The following NIPSNAP1 variants were observed in gnomAD, a reference collection of about 807,000 sequenced individuals.
The protein encoded by NIPSNAP1 is nipsnap homolog 1, also known as protein NipSnap homolog 1.
Under a neutral mutation model 49.2 loss-of-function variants are expected in NIPSNAP1, and 25 were observed. That is an observed-to-expected ratio of 0.51 (90% CI 0.37 to 0.71). The LOEUF is 0.71. Among genes scored for constraint, NIPSNAP1 ranks in the 30% least tolerant of loss-of-function variants. The pLI, the probability that NIPSNAP1 is intolerant of heterozygous loss-of-function variation, is 0.00. For missense variants in NIPSNAP1, 294 were observed against 361.0 expected (o/e 0.81, Z 1.50); for synonymous variants, 143 against 140.7 (o/e 1.02, Z -0.12).
intron 1 of NIPSNAP1, among the ~76,000 whole-genome samples, chr22:29,577,937 C>T (rs2064467085): frequency 1.5e-5 from 2 of 131,418 alleles, no homozygotes; most frequent in African/African-American, 6.0e-5. Flanking sequence ...CTTGCTCTAT[C>T]ACCCAGGCTG....
In NIPSNAP1 at chr22:29,555,854, C is replaced by T. The variant is rs2064290087; in HGVS notation, c.*81G>A. 3 of 1,344,374 alleles carry T rather than the reference C, an allele frequency of 2.2e-6. No homozygotes were observed. The highest frequency in any genetic ancestry group is 3.1e-6 in the Non-Finnish European group (3 of 958,202). 83.3% of individuals were successfully genotyped at this position (1,344,374 alleles called of 1,614,324 possible). A position where few individuals can be genotyped will look rare whatever the true frequency, so the allele number is the denominator to read the frequency against. On this transcript the variant is annotated 3_prime_UTR_variant, in exon 10 of 10. Coordinates refer to ENST00000216121, the MANE Select transcript of NIPSNAP1 (RefSeq NM_003634.4). ...AGTCCTCCCAGAGCCAAGACAAAAC[C>T]AAGACAGCAGGACCAGGAGTGCCAC...
chr22:29,574,190 C>T (rs546509464), intron 1 of NIPSNAP1, among the ~76,000 whole-genome samples: 1 of 131,110 alleles, frequency 7.6e-6, no homozygotes, highest in African/African-American at 2.8e-5. Flanking sequence ...ATCCAGGAGG[C>T]GGAGGCTGCA....
chr22:29,571,761 CTTTCTTTTCTTTT>C (rs888036461), intron 1 of NIPSNAP1, among the ~76,000 whole-genome samples: 4 of 145,600 alleles, frequency 2.7e-5, no homozygotes, highest in African/African-American at 7.4e-5. Flanking sequence ...AAGCCCTATC[CTTTCTTTTCTTTT>C]TTTCTTTTCT....
At chr22:29,564,042 A>G (rs1366896832) in intron 4 of NIPSNAP1, among the ~76,000 whole-genome samples, 1 of 152,188 alleles carries the variant, frequency 6.6e-6, no homozygotes, top group East Asian at 1.9e-4. Flanking sequence ...AATTCCTAGT[A>G]ACAAAGAAAC....
chr22:29,576,663 C>T (rs564856832), intron 1 of NIPSNAP1, among the ~76,000 whole-genome samples: 4 of 151,506 alleles, frequency 2.6e-5, no homozygotes, highest in East Asian at 1.9e-4. Context: ...TGGTGGCTCA[C>T]GCCTGTAATC....
intron 4 of NIPSNAP1, among the ~76,000 whole-genome samples, chr22:29,562,360 G>A (rs1335164864): frequency 6.6e-6 from 1 of 152,196 alleles, no homozygotes; most frequent in Non-Finnish European, 1.5e-5. Flanking sequence ...CTCATGTGTT[G>A]AGGTGGCAAG....
At chr22:29,573,853 C>G (rs577261593) in intron 1 of NIPSNAP1, among the ~76,000 whole-genome samples, 2 of 149,828 alleles carry the variant, frequency 1.3e-5, no homozygotes, top group Non-Finnish European at 3.0e-5. Flanking sequence ...GTGGGAAGAT[C>G]GCTTGAACCC....
At position 29,560,847 on chromosome 22, in the gene NIPSNAP1, T is replaced by C. The variant is rs1367690522; in HGVS notation, c.612-19A>G. The C allele has an allele frequency of 3.1e-6, 5 of 1,610,088 alleles. No individual in the cohort carries two copies. The highest frequency in any genetic ancestry group is 4.2e-6 in the Non-Finnish European group (5 of 1,176,560). On this transcript the variant is annotated intron_variant, in intron 7 of 9. Transcript: ENST00000216121. ...CCGAGCCCTGGAGAAGGCACAATAA[T>C]ATGGGGCAGAAGCCAGGGCTGGTGC...
chr22:29,570,785 C>T (rs541318051), intron 1 of NIPSNAP1, among the ~76,000 whole-genome samples: 41 of 152,256 alleles, frequency 2.7e-4, no homozygotes, highest in Admixed American at 1.1e-3. Flanking sequence ...CCACCTCCCA[C>T]TTCTCTCTCT....
At chr22:29,557,199 A>G (rs1420867014) in intron 9 of NIPSNAP1, among the ~76,000 whole-genome samples, 2 of 147,340 alleles carry the variant, frequency 1.4e-5, no homozygotes, top group East Asian at 2.0e-4. Flanking sequence ...GCTCAATGCA[A>G]CCTCCGCCTC....
intron 9 of NIPSNAP1, among the ~76,000 whole-genome samples, chr22:29,556,539 GA>G (rs1335719947): frequency 2.0e-5 from 3 of 151,844 alleles, no homozygotes; most frequent in Non-Finnish European, 4.4e-5. Context: ...AAAAAGAAAA[GA>G]AAAACACTGA....
chr22:29,580,513 T>C (rs2064489860), intron 1 of NIPSNAP1, among the ~76,000 whole-genome samples: 1 of 152,150 alleles, frequency 6.6e-6, no homozygotes, highest in South Asian at 2.1e-4. Context: ...TCAGGTCCGT[T>C]TCCCCACCTG....
intron 4 of NIPSNAP1, 89 bp from the exon 5 acceptor site, chr22:29,561,951 G>A (rs1369155804): frequency 3.3e-6 from 4 of 1,199,536 alleles, no homozygotes; most frequent in East Asian, 4.7e-5. Flanking sequence ...GGGGACGGGG[G>A]AGGCGGGGTG....
In NIPSNAP1 at chr22:29,569,300, T is replaced by C. The variant is rs2064389738; in HGVS notation, c.273-13A>G. The C allele has an allele frequency of 6.2e-7, 1 of 1,602,042 alleles. No individual in the cohort carries two copies. On this transcript the variant is annotated splice_polypyrimidine_tract_variant and intron_variant, in intron 3 of 9. Transcript: ENST00000216121. ...CAGCACAGCCTCCCTGTGGGGGAGGTGCAGAGAGGGGCAGGGTTCACATAG... is the reference window on the plus strand; with the variant it reads ...CAGCACAGCCTCCCTGTGGGGGAGGCGCAGAGAGGGGCAGGGTTCACATAG...
At chr22:29,561,719 C>G in intron 5 of NIPSNAP1, 73 bp from the exon 6 acceptor site, 1 of 1,613,622 alleles carries the variant, frequency 6.2e-7, no homozygotes. Context: ...CATGGGGTAG[C>G]AGAGTAGTCC....
At position 29,570,136 on chromosome 22, in the gene NIPSNAP1, G is replaced by A. The variant is rs759572954; in HGVS notation, c.272+26C>T. On this transcript the variant is annotated intron_variant, in intron 3 of 9. Transcript: ENST00000216121. ...TGTGTTCCCCACCCAAGCAGGGGATGGGATGTATGGATGCAGGGTGCTCAC... is the reference window on the plus strand; with the variant it reads ...TGTGTTCCCCACCCAAGCAGGGGATAGGATGTATGGATGCAGGGTGCTCAC... 3.1e-6 allele frequency: 5 copies of A among 1,610,588 alleles called. No individual in the cohort carries two copies. The African/African-American group carries it at 6.7e-5, about 22-fold the overall frequency.
Position 29,560,633 on chromosome 22 carries a change from C to T in NIPSNAP1, c.706+101G>A, listed in dbSNP as rs1038596600. On this transcript the variant is annotated intron_variant, in intron 8 of 9. Transcript: ENST00000216121. ...TCTAAGATAGTGTCTCCTGCTAGAA[C>T]ATTAAGTTCTATGAGGACACTAATA... is the stretch of plus-strand genomic sequence containing the variant. 2.5e-5 allele frequency: 22 copies of T among 896,598 alleles called. No homozygotes were observed. In the East Asian group the frequency reaches 5.0e-4, roughly 21 times the overall value. The allele number at this position is 896,598 out of a possible 1,614,324, so 55.5% of individuals were successfully genotyped here. A position where few individuals can be genotyped will look rare whatever the true frequency, so the allele number is the denominator to read the frequency against.
chr22:29,579,328 C>G (rs2064479947), intron 1 of NIPSNAP1, among the ~76,000 whole-genome samples: 1 of 123,038 alleles, frequency 8.1e-6, no homozygotes, highest in South Asian at 2.6e-4. Context: ...CAGAGTCTCA[C>G]TCTTGTCGCC....
intron 1 of NIPSNAP1, among the ~76,000 whole-genome samples, chr22:29,578,108 G>C (rs2064468967): frequency 6.6e-6 from 1 of 150,736 alleles, no homozygotes; most frequent in South Asian, 2.1e-4. Flanking sequence ...ATGTTGGCCA[G>C]GCTGGTCTTG....
Sources: gnomAD v4.1 joint callset for allele counts (sites outside exome capture counted in the v4.1 genomes callset) on GRCh38, gnomAD v4.1.1 for gene constraint, MANE v1.5 for transcripts, NCBI Gene and HGNC (gene_info 2026-07-23, HGNC 2026-07-21) for gene names.